Variants in SFPQ observed in about 807,000 individuals in gnomAD.
SFPQ encodes the protein splicing factor, proline- and glutamine-rich.
In SFPQ, 11 loss-of-function variants were observed where a neutral mutation model predicts 72.9. The ratio of observed to expected loss-of-function variants is 0.15; its 90% CI spans 0.09 to 0.25. The LOEUF (loss-of-function observed/expected upper bound fraction) is 0.25, where lower values mean the gene tolerates loss of function less well. Ranked by LOEUF, SFPQ falls within the 10% of genes least tolerant of loss-of-function variation. SFPQ has a pLI of 1.00. For synonymous variants in SFPQ, 506 were observed against 367.3 expected (o/e 1.38, Z -4.32); for missense variants, 847 against 993.3 (o/e 0.85, Z 1.98).
At chr1:35,178,624 C>G, downstream of SFPQ, 1 of 1,056,756 alleles carries the variant, frequency 9.5e-7, no homozygotes, top group Non-Finnish European at 1.1e-6. Flanking sequence ...CTTACTGGGA[C>G]AGCAAGGAAC....
Position 35,192,533 on chromosome 1 carries a change from C to G in SFPQ, c.517G>C (p.Gly173Arg). The change falls in exon 1 of 10, where the codon GGG becomes CGG. Residue 173 changes from glycine to arginine, a missense_variant. Gly to Arg is a moderately radical substitution (Grantham distance 125). Around this residue, in one of 6 missense-constraint regions of SFPQ, gnomAD observed 498 missense variants for 405.1 expected, o/e 1.23. Coordinates refer to ENST00000357214, the MANE Select transcript of SFPQ (RefSeq NM_005066.3). The stretch of plus-strand genomic sequence containing the variant: ...GCCTGAGGAGGTGTGGTAGGGACCC[C>G]GCTGCTTGGCGGGGTGGGTGGCGGC... ...GAPPPTPPSS[G>R]VPTTPPQAGG... The G allele has an allele frequency of 7.5e-7, 1 of 1,328,352 alleles. No individual in the cohort carries two copies. Among genetic ancestry groups the G allele is most frequent in the Non-Finnish European group, 9.6e-7 (1 of 1,045,668 alleles). 82.3% of individuals were successfully genotyped at this position (1,328,352 alleles called of 1,614,324 possible).
At chr1:35,188,936 G>T in intron 6 of SFPQ, 67 bp downstream of exon 6, 2 of 1,293,392 alleles carry the variant, frequency 1.5e-6, no homozygotes, top group Non-Finnish European at 2.2e-6. Flanking sequence ...ACTCCAGCCC[G>T]GGCAACAGAA....
At chr1:35,186,578 G>A (rs1193167928) in intron 9 of SFPQ, among the ~76,000 whole-genome samples, 1 of 152,122 alleles carries the variant, frequency 6.6e-6, no homozygotes, top group Non-Finnish European at 1.5e-5. Flanking sequence ...CGTGCCTAAA[G>A]CTTCAAACTA....
At position 35,188,100 on chromosome 1, in the gene SFPQ, C is replaced by T. The variant is rs773891304; in HGVS notation, c.1698-10G>A. The T allele has an allele frequency of 3.4e-5, 54 of 1,571,740 alleles. No homozygotes were observed. Among genetic ancestry groups the T allele is most frequent in the Non-Finnish European group, 4.6e-5 (53 of 1,141,722 alleles). ...TCGTTCCTCCTCTTGCCTAGAAATA[C>T]CCATCAGGTACATAACTGAAGTGTT... On this transcript the variant is annotated splice_polypyrimidine_tract_variant and intron_variant, in intron 6 of 9. Transcript: ENST00000357214.
downstream of SFPQ, chr1:35,181,164 A>T: frequency 2.8e-6 from 3 of 1,065,362 alleles, no homozygotes; most frequent in Non-Finnish European, 3.4e-6. Context: ...AGAATCTTGG[A>T]GCAAGCAGGA....
Position 35,184,585 on chromosome 1 carries a change from C to T in SFPQ, c.1995G>A (p.Glu665=), listed in dbSNP as rs1213485653. ...GCCCCGCACCTCCCTGCCCAAAGCG[C>T]TCAGTACGCTATTGGAACAGTAATT... ...GSMMGSDMRT[E]RFGQGGAGPV... The change falls in exon 10 of 10, where the codon GAG becomes GAA. Residue 665 remains glutamate (E), a synonymous_variant. Transcript: ENST00000357214. 6.3e-7 allele frequency: 1 copy of T among 1,593,660 alleles called. No homozygotes were observed. The highest frequency in any genetic ancestry group is 1.4e-5 in the African/African-American group (1 of 73,510).
At chr1:35,187,641 G>C (rs959209325) in intron 7 of SFPQ, among the ~76,000 whole-genome samples, 1 of 151,774 alleles carries the variant, frequency 6.6e-6, no homozygotes. Context: ...TGAGGCAGGA[G>C]AATCACTTGA....
chr1:35,178,090 T>G (rs948703720), downstream of SFPQ: 2 of 1,225,050 alleles, frequency 1.6e-6, no homozygotes, highest in East Asian at 9.5e-5. Context: ...AAAATAAAGG[T>G]TTGAAAATGC....
downstream of SFPQ, chr1:35,179,989 C>T (rs575841015): frequency 1.5e-5 from 16 of 1,049,948 alleles, no homozygotes; most frequent in South Asian, 4.1e-4. Flanking sequence ...CTAAACTAGT[C>T]ATCATTTGCT....
At chr1:35,189,153 T>C (rs1557805019) in intron 5 of SFPQ, 33 bp downstream of exon 5, 4 of 1,613,544 alleles carry the variant, frequency 2.5e-6, no homozygotes, top group Non-Finnish European at 2.5e-6. Context: ...ACAATTGACC[T>C]TAGCAATGAT....
intron 4 of SFPQ, 97 bp downstream of exon 4, chr1:35,190,401 A>C: frequency 1.3e-6 from 1 of 775,492 alleles, no homozygotes; most frequent in Non-Finnish European, 2.1e-6. Context: ...CACATCAAAT[A>C]ATTTTGCATA....
intron 9 of SFPQ, among the ~76,000 whole-genome samples, chr1:35,186,617 C>G (rs1160827869): frequency 1.4e-5 from 2 of 138,014 alleles, no homozygotes; most frequent in Non-Finnish European, 2.9e-5. Context: ...ATGGCAAATA[C>G]CAGCTTAAAG....
chr1:35,192,932 G>A lies in SFPQ; in HGVS notation c.118C>T (p.Leu40Phe). The change falls in exon 1 of 10, where the codon CTC becomes TTC. Residue 40 changes from leucine (L) to phenylalanine (F), a missense_variant. This residue lies in a region of SFPQ where 498 missense variants were observed against 405.1 expected (regional missense o/e 1.23). Coordinates refer to ENST00000357214, the MANE Select transcript of SFPQ (RefSeq NM_005066.3). ...DFRSPPPGMG[L>F]NQNRGPMGPG... is the part of the protein sequence containing the mutation. ...CCCATGGGGCCGCGATTCTGATTGA[G>A]GCCCATGCCGGGCGGCGGAGAACGG... The A allele has an allele frequency of 1.3e-6, 2 of 1,587,606 alleles. No homozygotes were observed. Among genetic ancestry groups the A allele is most frequent in the South Asian group, 1.1e-5 (1 of 89,754 alleles).
chr1:35,192,654 C>T lies in SFPQ; in HGVS notation c.396G>A (p.Pro132=). ...CCCCCGAGGTTGGTGGAGTGGCGGG[C>T]GGGGCCGAGCTGGAGGCTGGTGGTG... ...GSAPPASSSA[P]PATPPTSGAP... The change falls in exon 1 of 10, where the codon CCG becomes CCA. Residue 132 remains proline (P), a synonymous_variant. Transcript: ENST00000357214. The T allele has an allele frequency of 7.2e-7, 1 of 1,383,148 alleles. No individual in the cohort carries two copies. Among genetic ancestry groups the T allele is most frequent in the Non-Finnish European group, 9.3e-7 (1 of 1,078,374 alleles). The allele number at this position is 1,383,148 out of a possible 1,614,324, so 85.7% of individuals were successfully genotyped here. A position where few individuals can be genotyped will look rare whatever the true frequency, so the allele number is the denominator to read the frequency against.
Position 35,190,320 on chromosome 1 carries a change from G to A in SFPQ, c.1415+178C>T, listed in dbSNP as rs138564490. Reference sequence around the variant, plus strand: ...ACTGCATGTGAATGTATCCACCTTAGAAGCAAACAGCTATCTGAATAACAG... The same window carrying A: ...ACTGCATGTGAATGTATCCACCTTAAAAGCAAACAGCTATCTGAATAACAG... On this transcript the variant is annotated intron_variant, in intron 4 of 9. Coordinates refer to ENST00000357214, the MANE Select transcript of SFPQ (RefSeq NM_005066.3). Among the ~76,000 whole-genome samples, 586 of 152,346 alleles carry A rather than the reference G, an allele frequency of 3.8e-3. 3 individuals carry two copies. Among genetic ancestry groups the A allele is most frequent in the Non-Finnish European group, 6.2e-3 (425 of 68,030 alleles).
At chr1:35,190,205 A>C (rs1354474140) in intron 4 of SFPQ, among the ~76,000 whole-genome samples, 1 of 152,206 alleles carries the variant, frequency 6.6e-6, no homozygotes, top group African/African-American at 2.4e-5. Flanking sequence ...GGTTGCAGAG[A>C]GCTGAGGTCA....
downstream of SFPQ, chr1:35,179,785 C>A: frequency 1.4e-5 from 15 of 1,053,916 alleles, no homozygotes; most frequent in Non-Finnish European, 1.7e-5. Context: ...AAAATTGTTA[C>A]TGACTGGTAA....
intron 9 of SFPQ, among the ~76,000 whole-genome samples, chr1:35,186,366 A>C (rs559226386): frequency 8.9e-4 from 135 of 152,360 alleles, no homozygotes; most frequent in African/African-American, 3.2e-3. Flanking sequence ...AAGAAGGTTC[A>C]GATCAAATGC....
chr1:35,178,262 T>A, downstream of SFPQ: 2 of 1,093,730 alleles, frequency 1.8e-6, no homozygotes, highest in Non-Finnish European at 2.2e-6. Context: ...CTGTATTTTC[T>A]TTAAAATGTA....
Sources: allele counts gnomAD v4.1 joint callset (sites outside exome capture counted in the v4.1 genomes callset), GRCh38; gene constraint gnomAD v4.1.1; regional missense constraint gnomAD v4.1.1; transcripts MANE v1.5; gene names NCBI Gene and HGNC (gene_info 2026-07-23, HGNC 2026-07-21).